Variants in FGF12 observed in about 807,000 individuals in gnomAD.
FGF12 encodes fibroblast growth factor 12, also known as fibroblast growth factor 12B.
A neutral mutation model predicts 23.6 loss-of-function variants in FGF12; 14 were observed. The observed-to-expected ratio is 0.59, with a 90% confidence interval of 0.39 to 0.93. FGF12 has a LOEUF of 0.93. FGF12 is among the 40% of genes least tolerant of loss of function. FGF12 has a pLI of 0.00. For synonymous variants in FGF12, 62 were observed against 77.3 expected, an observed-to-expected ratio of 0.80 and a Z score of 1.04; for missense variants, 175 against 217.8, an observed-to-expected ratio of 0.80 and a Z score of 1.24.
chr3:192,480,597 T>C (rs1342506546), intron 2 of FGF12, among the ~76,000 whole-genome samples: 1 of 152,208 alleles, frequency 6.6e-6, no homozygotes, highest in Non-Finnish European at 1.5e-5. Flanking sequence ...AAGTTGTCCA[T>C]TGAGTAGACT....
intron 4 of FGF12, chr3:192,282,874 A>C (rs1320481174): frequency 6.6e-6 from 1 of 152,164 alleles, no homozygotes. Context: ...ATTACTCAGG[A>C]AGAGCGAAGA....
intron 2 of FGF12, among the ~76,000 whole-genome samples, chr3:192,472,037 A>T (rs1462653878): frequency 1.3e-5 from 2 of 152,286 alleles, no homozygotes; most frequent in South Asian, 2.1e-4. Context: ...TTGTGTTTTG[A>T]GATGGAGTCT....
At chr3:192,526,751 T>C (rs1724955178) in intron 2 of FGF12, among the ~76,000 whole-genome samples, 1 of 152,236 alleles carries the variant, frequency 6.6e-6, no homozygotes, top group Non-Finnish European at 1.5e-5. Flanking sequence ...TGCAGAATAG[T>C]TATATGATTC....
chr3:192,725,868 T>C (rs1719197827), intron 2 of FGF12, among the ~76,000 whole-genome samples: 1 of 152,234 alleles, frequency 6.6e-6, no homozygotes, highest in Admixed American at 6.5e-5. Flanking sequence ...GTTAATAATA[T>C]ATGCCTCAAA....
At chr3:192,187,511 T>C (rs1181956045) in intron 4 of FGF12, among the ~76,000 whole-genome samples, 3 of 152,342 alleles carry the variant, frequency 2.0e-5, no homozygotes, top group South Asian at 2.1e-4. Context: ...GTAATTCATG[T>C]AGTCTTTTAG....
chr3:192,141,184 G>C lies in FGF12; in HGVS notation c.*2825C>G, dbSNP rs758468162. 2 of 108,460 alleles carry C rather than the reference G, an allele frequency of 1.8e-5. No individual in the cohort carries two copies. The highest frequency in any genetic ancestry group is 3.9e-5 in the Non-Finnish European group (2 of 51,808). 6.7% of individuals were successfully genotyped at this position (108,460 alleles called of 1,614,324 possible). On this transcript the variant is annotated 3_prime_UTR_variant, in exon 6 of 6. Coordinates refer to ENST00000445105, the MANE Select transcript of FGF12 (RefSeq NM_004113.6). ...ATTTTACTTAAAAAGGAAAAGTGAC[G>C]AATGAATTGAAGACCCAGAAATCAG... is the stretch of plus-strand genomic sequence containing the variant.
At chr3:192,465,356 T>C (rs1350516758) in intron 2 of FGF12, among the ~76,000 whole-genome samples, 2 of 152,118 alleles carry the variant, frequency 1.3e-5, no homozygotes, top group Admixed American at 1.3e-4. Flanking sequence ...AAGTTGAGAA[T>C]TAACATATGG....
intron 4 of FGF12, among the ~76,000 whole-genome samples, chr3:192,311,927 G>GTCTACCTA (rs1715961393): frequency 6.9e-6 from 1 of 145,364 alleles, no homozygotes; most frequent in Non-Finnish European, 1.5e-5. Flanking sequence ...TTGACTGTCT[G>GTCTACCTA]TCTATCTATC....
chr3:192,406,011 C>A (rs917988918), intron 2 of FGF12, among the ~76,000 whole-genome samples: 1 of 152,054 alleles, frequency 6.6e-6, no homozygotes, highest in South Asian at 2.1e-4. Flanking sequence ...GACACTTTAG[C>A]TAAAGGAAGT....
At chr3:192,369,358 A>T (rs1324406506) in intron 2 of FGF12, among the ~76,000 whole-genome samples, 1 of 152,184 alleles carries the variant, frequency 6.6e-6, no homozygotes, top group Non-Finnish European at 1.5e-5. Flanking sequence ...ACACAGTCTG[A>T]CAAGCACAGC....
chr3:192,304,693 T>C (rs1715526338), intron 4 of FGF12, among the ~76,000 whole-genome samples: 9 of 152,200 alleles, frequency 5.9e-5, no homozygotes. Flanking sequence ...CAGGTCACAA[T>C]GGCCAGTATT....
chr3:192,217,066 C>T (rs1429267199), intron 4 of FGF12, among the ~76,000 whole-genome samples: 4 of 152,114 alleles, frequency 2.6e-5, no homozygotes, highest in Non-Finnish European at 5.9e-5. Context: ...TGGTTAAGAA[C>T]ATTTGCTTTC....
intron 2 of FGF12, among the ~76,000 whole-genome samples, chr3:192,546,700 T>C (rs992629544): frequency 4.1e-5 from 6 of 144,642 alleles, no homozygotes; most frequent in Non-Finnish European, 9.0e-5. Context: ...TAGACTTTTA[T>C]TGACAAATGA....
chr3:192,332,963 GTTTGACTT>G (rs1325104053), intron 4 of FGF12, among the ~76,000 whole-genome samples: 37 of 152,212 alleles, frequency 2.4e-4, no homozygotes, highest in East Asian at 5.8e-4. Context: ...TGTGAGGCAA[GTTTGACTT>G]AAGTCGAGAG....
intron 4 of FGF12, among the ~76,000 whole-genome samples, chr3:192,311,963 A>ATCTATCTG: frequency 6.6e-6 from 1 of 151,638 alleles, no homozygotes; most frequent in African/African-American, 2.4e-5. Flanking sequence ...CTATCTATCT[A>ATCTATCTG]TCTATCTATC....
chr3:192,701,009 T>C (rs1424289811), intron 2 of FGF12, among the ~76,000 whole-genome samples: 2 of 152,188 alleles, frequency 1.3e-5, no homozygotes, highest in Non-Finnish European at 2.9e-5. Flanking sequence ...TTTCTGATCT[T>C]TTCCCTAGTC....
At chr3:192,660,444 G>A (rs527880992) in intron 2 of FGF12, among the ~76,000 whole-genome samples, 135 of 150,998 alleles carry the variant, frequency 8.9e-4, no homozygotes, top group East Asian at 2.9e-3. Flanking sequence ...ACACCAACAC[G>A]GCACATGTAT....
At chr3:192,316,773 G>A (rs1035504144) in intron 4 of FGF12, among the ~76,000 whole-genome samples, 2 of 152,160 alleles carry the variant, frequency 1.3e-5, no homozygotes, top group African/African-American at 4.8e-5. Flanking sequence ...GGTGGCTAAG[G>A]GGATGCTTGC....
At position 192,142,825 on chromosome 3, in the gene FGF12, T is replaced by C. The variant is rs1016570917; in HGVS notation, c.*1184A>G. ...ACTGGACTTGTAACAGGATCATACA[T>C]AGAGCAACAAATTAGCTACTGGCTT... On this transcript the variant is annotated 3_prime_UTR_variant, in exon 6 of 6. Coordinates refer to ENST00000445105, the MANE Select transcript of FGF12 (RefSeq NM_004113.6). 3.3e-5 allele frequency: 5 copies of C among 152,172 alleles called. No individual in the cohort carries two copies. The highest frequency in any genetic ancestry group is 1.2e-4 in the African/African-American group (5 of 41,548). The allele number at this position is 152,172 out of a possible 1,614,324, so 9.4% of individuals were successfully genotyped here.
Sources: allele counts gnomAD v4.1 joint callset (sites outside exome capture counted in the v4.1 genomes callset), GRCh38; gene constraint gnomAD v4.1.1; transcripts MANE v1.5; gene names NCBI Gene and HGNC (gene_info 2026-07-23, HGNC 2026-07-21).